WDR72: variants seen among roughly 807,000 people sequenced by gnomAD.
WDR72 encodes the protein WD repeat domain 72, also known as WD repeat-containing protein 72.
Under a neutral mutation model 124.2 loss-of-function variants are expected in WDR72, and 120 were observed. The observed-to-expected ratio is 0.97, with a 90% CI of 0.83 to 1.12. The LOEUF (loss-of-function observed/expected upper bound fraction) is 1.12, where lower values mean the gene tolerates loss of function less well. WDR72 is among the 50% of genes most tolerant of loss of function. The pLI is 0.00. For missense variants in WDR72, 1,387 were observed against 1,278.8 expected (o/e 1.08, Z -1.29); for synonymous variants, 452 against 441.7 (o/e 1.02, Z -0.29).
At chr15:53,744,020 A>T (rs1051202720) in intron 1 of WDR72, among the ~76,000 whole-genome samples, 3 of 152,114 alleles carry the variant, frequency 2.0e-5, no homozygotes, top group African/African-American at 7.2e-5. Context: ...TCTTCAGATC[A>T]AAGGAATACC....
chr15:53,523,330 A>AAGAAAG lies in WDR72; in HGVS notation c.3149-9_3149-8insCTTTCT. Reference sequence around the variant, plus strand: ...TGACCGGGCTGACTGGAGCTATTAAAAGAGAGAGAGAGAGAGAGAGAGACA... The same window carrying AAGAAAG: ...TGACCGGGCTGACTGGAGCTATTAAAAGAAAGAGAGAGAGAGAGAGAGAGAGAGACA... On this transcript the variant is annotated splice_polypyrimidine_tract_variant and intron_variant, in intron 18 of 19. Coordinates refer to ENST00000360509, the MANE Select transcript of WDR72 (RefSeq NM_182758.4). 1 of 1,574,988 alleles carries AAGAAAG rather than the reference A, an allele frequency of 6.3e-7. No individual in the cohort carries two copies. Among genetic ancestry groups the AAGAAAG allele is most frequent in the Non-Finnish European group, 8.7e-7 (1 of 1,152,314 alleles).
chr15:53,647,337 A>T (rs1186157225), intron 14 of WDR72, among the ~76,000 whole-genome samples: 1 of 152,110 alleles, frequency 6.6e-6, no homozygotes. Flanking sequence ...TTCCTATATT[A>T]TTTTTGCCTT....
intron 14 of WDR72, among the ~76,000 whole-genome samples, chr15:53,621,458 T>TATATATATATATATATATATATA (rs397944441): frequency 2.1e-5 from 3 of 145,028 alleles, no homozygotes; most frequent in African/African-American, 7.7e-5. Context: ...TATATATATA[T>TATATATATATATATATATATATA]GATAGAGTAC....
At chr15:53,695,808 G>A (rs1213578075) in intron 13 of WDR72, among the ~76,000 whole-genome samples, 1 of 152,148 alleles carries the variant, frequency 6.6e-6, no homozygotes, top group Non-Finnish European at 1.5e-5. Context: ...CATGACTCTA[G>A]AATATGCTTA....
At chr15:53,649,252 C>G (rs74570758) in intron 14 of WDR72, among the ~76,000 whole-genome samples, 1 of 152,060 alleles carries the variant, frequency 6.6e-6, no homozygotes, top group Non-Finnish European at 1.5e-5. Flanking sequence ...GCATTACCAA[C>G]GCAGAGTTGA....
At chr15:53,668,431 G>A (rs17549749) in intron 13 of WDR72, among the ~76,000 whole-genome samples, 90,998 of 152,002 alleles carry the variant, frequency 0.6, 29,380 homozygotes, top group Middle Eastern at 0.83. Context: ...TCTGACAGTG[G>A]ATGGGTATTC....
At chr15:53,760,325 C>T (rs542839318), upstream of WDR72, among the ~76,000 whole-genome samples, 1 of 149,936 alleles carries the variant, frequency 6.7e-6, no homozygotes, top group Non-Finnish European at 1.5e-5. Context: ...GACTCCCCCA[C>T]CCCCCACTAC....
At chr15:53,531,649 C>A (rs1046745114) in intron 18 of WDR72, among the ~76,000 whole-genome samples, 4 of 151,878 alleles carry the variant, frequency 2.6e-5, no homozygotes, top group Non-Finnish European at 5.9e-5. Context: ...CTAAAGAAAG[C>A]CAAGTTTTAA....
intron 14 of WDR72, among the ~76,000 whole-genome samples, chr15:53,650,620 T>C (rs1172131464): frequency 6.6e-6 from 1 of 152,130 alleles, no homozygotes; most frequent in Admixed American, 6.5e-5. Flanking sequence ...CTGTTCCTTA[T>C]GGCAAAATCT....
chr15:53,741,377 G>A (rs982632969), intron 1 of WDR72, among the ~76,000 whole-genome samples: 2 of 152,092 alleles, frequency 1.3e-5, no homozygotes, highest in African/African-American at 4.8e-5. Context: ...CCCTAGAATC[G>A]ATCTCGAACA....
chr15:53,613,801 A>C (rs748290682), intron 15 of WDR72, 44 bp from the exon 16 acceptor site: 1 of 1,355,146 alleles, frequency 7.4e-7, no homozygotes, highest in Non-Finnish European at 1.1e-6. Flanking sequence ...AAAGCATGAA[A>C]AATTATTTGA....
At chr15:53,647,409 T>A (rs1318674341) in intron 14 of WDR72, among the ~76,000 whole-genome samples, 1 of 152,082 alleles carries the variant, frequency 6.6e-6, no homozygotes, top group East Asian at 1.9e-4. Flanking sequence ...AAAAGAAAAT[T>A]AGATCATCCA....
intron 15 of WDR72, among the ~76,000 whole-genome samples, chr15:53,614,857 G>C (rs536754147): frequency 1.3e-5 from 2 of 152,032 alleles, no homozygotes; most frequent in African/African-American, 2.4e-5. Flanking sequence ...ACACTCAAAA[G>C]CAACAGTTAT....
At chr15:53,671,631 T>C (rs1416771797) in intron 13 of WDR72, among the ~76,000 whole-genome samples, 1 of 152,070 alleles carries the variant, frequency 6.6e-6, no homozygotes, top group Non-Finnish European at 1.5e-5. Flanking sequence ...ATGCCAGAAA[T>C]ATGCACTATA....
chr15:53,688,293 T>C (rs564298937), intron 13 of WDR72, among the ~76,000 whole-genome samples: 1 of 149,046 alleles, frequency 6.7e-6, no homozygotes, highest in East Asian at 2.0e-4. Context: ...GCAGACGACA[T>C]GATTGTATAT....
At chr15:53,738,463 T>C (rs1448744336) in intron 1 of WDR72, among the ~76,000 whole-genome samples, 1 of 152,138 alleles carries the variant, frequency 6.6e-6, no homozygotes, top group African/African-American at 2.4e-5. Flanking sequence ...AAAATTAATA[T>C]ACAGAGAAAA....
intron 18 of WDR72, among the ~76,000 whole-genome samples, chr15:53,541,748 A>G (rs1482456765): frequency 7.3e-6 from 1 of 136,686 alleles, no homozygotes; most frequent in Admixed American, 7.4e-5. Context: ...ACTTTGAAAA[A>G]AATTTAGAAG....
intron 14 of WDR72, among the ~76,000 whole-genome samples, chr15:53,659,022 GC>G (rs1177529983): frequency 2.0e-5 from 3 of 152,056 alleles, no homozygotes; most frequent in Non-Finnish European, 2.9e-5. Flanking sequence ...TACAGCAAGA[GC>G]CCTTGTCAAG....
In WDR72 at chr15:53,637,526, T is replaced by C. The variant is rs551945661; in HGVS notation, c.1963-21283A>G. Among the ~76,000 whole-genome samples, 3 of 152,336 alleles carry C rather than the reference T, an allele frequency of 2.0e-5. No homozygotes were observed. The East Asian group carries it at 5.8e-4, about 29-fold the overall frequency. On this transcript the variant is annotated intron_variant, in intron 14 of 19. Coordinates refer to ENST00000360509, the MANE Select transcript of WDR72 (RefSeq NM_182758.4). ...GTCTGTAGAATTAAGTTCAAATTCA[T>C]TGAGTTGGCATATCCAGGCTTCCAG...
Sources: allele counts gnomAD v4.1 joint callset (sites outside exome capture counted in the v4.1 genomes callset), GRCh38; gene constraint gnomAD v4.1.1; transcripts MANE v1.5; gene names NCBI Gene and HGNC (gene_info 2026-07-23, HGNC 2026-07-21).